DOCK2: variants seen among roughly 807,000 people sequenced by gnomAD.
DOCK2 encodes the protein dedicator of cytokinesis protein 2.
In DOCK2, 87 loss-of-function variants were observed where a neutral mutation model predicts 248.9. The ratio of observed to expected loss-of-function variants is 0.35; its 90% CI spans 0.29 to 0.42. The LOEUF (loss-of-function observed/expected upper bound fraction) is 0.42, where lower values mean the gene tolerates loss of function less well. Ranked by LOEUF, DOCK2 falls within the 10% of genes least tolerant of loss-of-function variation. DOCK2 has a pLI of 1.00. For synonymous variants in DOCK2, 805 were observed against 821.6 expected (o/e 0.98, Z 0.35); for missense variants, 1,747 against 2,300.2 (o/e 0.76, Z 4.92).
chr5:169,933,986 G>A (rs780478955), intron 27 of DOCK2, among the ~76,000 whole-genome samples: 56 of 152,112 alleles, frequency 3.7e-4, no homozygotes, highest in Non-Finnish European at 7.4e-4. Context: ...CAGCAGGACC[G>A]GCATCTATTG....
rs750263476 is a variant in DOCK2 at position 169,671,168 on chromosome 5, C to A, written c.315C>A (p.Leu105=). The A allele has an allele frequency of 6.2e-7, 1 of 1,613,870 alleles. No individual in the cohort carries two copies. Among genetic ancestry groups the A allele is most frequent in the Non-Finnish European group, 8.5e-7 (1 of 1,179,800 alleles). ...AATGGGGAAGCATCTGGAAACAACT[C>A]TATGTGGTGAGACTCAGAACTCTGC... The part of the protein sequence containing the change: ...LWEWGSIWKQ[L]YVASKKERFL... Residue 105 remains leucine (L), a synonymous_variant, in exon 5 of 52, where the codon CTC becomes CTA. Transcript: ENST00000520908.
chr5:169,708,112 A>T, intron 14 of DOCK2, 57 bp from the exon 15 acceptor site: 1 of 1,580,132 alleles, frequency 6.3e-7, no homozygotes, highest in Non-Finnish European at 8.6e-7. Flanking sequence ...AACCTGCACA[A>T]GCACAGAAAA....
intron 44 of DOCK2, among the ~76,000 whole-genome samples, chr5:170,063,186 C>A (rs1757388925): frequency 6.6e-6 from 1 of 152,144 alleles, no homozygotes; most frequent in Admixed American, 6.5e-5. Context: ...GGGCTTCATT[C>A]CCTGAGAGTT....
intron 27 of DOCK2, among the ~76,000 whole-genome samples, chr5:169,887,239 C>A (rs776564441): frequency 3.3e-4 from 50 of 152,090 alleles, no homozygotes; most frequent in Non-Finnish European, 6.3e-4. Context: ...TTAGCCCTGC[C>A]TTTTCTCCAG....
chr5:169,639,582 C>T (rs554018079), intron 1 of DOCK2, among the ~76,000 whole-genome samples: 2 of 152,150 alleles, frequency 1.3e-5, no homozygotes, highest in Non-Finnish European at 2.9e-5. Flanking sequence ...GCTTAAGCTT[C>T]GGTGATCAGG....
intron 26 of DOCK2, among the ~76,000 whole-genome samples, chr5:169,810,498 G>A (rs1319273623): frequency 6.6e-6 from 1 of 152,208 alleles, no homozygotes; most frequent in African/African-American, 2.4e-5. Flanking sequence ...GCGCAGCAAA[G>A]CAGTTGGTTA....
At position 169,983,069 on chromosome 5, in the gene DOCK2, G is replaced by A; in HGVS notation, c.2801G>A (p.Ser934Asn). ...AGTATTTGTCTTCATTTCTTGCAGA[G>A]TCACTTTGTGGCATGTATGACAGCC... ...ITMGRDHILI[S>N]HFVACMTAIL... The change falls in exon 28 of 52, where the codon AGT becomes AAT. Residue 934 changes from serine to asparagine, a missense_variant and splice_region_variant. By Grantham distance (46) the Ser-to-Asn change is conservative (BLOSUM62 1). This residue lies in a region of DOCK2 where 858 missense variants were observed against 1,183.5 expected (regional missense o/e 0.72). Coordinates refer to ENST00000520908, the MANE Select transcript of DOCK2 (RefSeq NM_004946.3). 6.2e-7 allele frequency: 1 copy of A among 1,613,994 alleles called. No individual in the cohort carries two copies. Among genetic ancestry groups the A allele is most frequent in the Non-Finnish European group, 8.5e-7 (1 of 1,179,896 alleles).
chr5:170,047,749 A>C, intron 40 of DOCK2, 135 bp downstream of exon 40: 1 of 689,554 alleles, frequency 1.5e-6, no homozygotes, highest in African/African-American at 1.8e-5. Context: ...CCCCATCCCC[A>C]GGAGACTCCC....
intron 27 of DOCK2, among the ~76,000 whole-genome samples, chr5:169,954,853 C>T (rs1483727171): frequency 2.6e-5 from 4 of 152,296 alleles, no homozygotes; most frequent in African/African-American, 9.6e-5. Context: ...TGTGTGTAAC[C>T]CAATGACCAA....
rs534105368 is a variant in DOCK2 at position 169,699,877 on chromosome 5, G to T, written c.1133-137G>T. On this transcript the variant is annotated intron_variant, in intron 12 of 51. Transcript: ENST00000520908. ...ATCGCCTGTTCCAGAGGCCCTGTGG[G>T]CTGGGTGGCTGCATCTGTGGCTGTA... The T allele has an allele frequency of 5.7e-4, 718 of 1,270,242 alleles. 6 individuals are homozygous for T. The South Asian group carries it at 6.9e-3, about 12-fold the overall frequency. 78.7% of individuals were successfully genotyped at this position (1,270,242 alleles called of 1,614,324 possible). A position where few individuals can be genotyped will look rare whatever the true frequency, so the allele number is the denominator to read the frequency against.
At chr5:170,079,966 G>C in intron 49 of DOCK2, 197 bp from the exon 50 acceptor site, 2 of 774,822 alleles carry the variant, frequency 2.6e-6, no homozygotes, top group East Asian at 2.8e-5. Flanking sequence ...CCCGCCTGTA[G>C]TTGTGTAGTG....
At chr5:169,873,478 G>C (rs776900933) in intron 27 of DOCK2, among the ~76,000 whole-genome samples, 2 of 152,296 alleles carry the variant, frequency 1.3e-5, no homozygotes, top group African/African-American at 2.4e-5. Context: ...AGCTGCAAAT[G>C]CATCTGTGAT....
intron 1 of DOCK2, among the ~76,000 whole-genome samples, chr5:169,652,611 G>A (rs1385242233): frequency 6.6e-6 from 1 of 152,234 alleles, no homozygotes; most frequent in Non-Finnish European, 1.5e-5. Flanking sequence ...GCAGAGAGGT[G>A]AAGTCACTTG....
At chr5:169,739,311 A>G (rs1289279448) in intron 22 of DOCK2, among the ~76,000 whole-genome samples, 1 of 152,188 alleles carries the variant, frequency 6.6e-6, no homozygotes, top group Non-Finnish European at 1.5e-5. Flanking sequence ...CTGTAATTGT[A>G]GAGGGAAAAT....
intron 8 of DOCK2, among the ~76,000 whole-genome samples, chr5:169,688,423 AC>A (rs1204161971): frequency 6.6e-6 from 1 of 152,204 alleles, no homozygotes; most frequent in Non-Finnish European, 1.5e-5. Context: ...AACATCCTGA[AC>A]TTTTCCTTTA....
At chr5:170,037,857 A>G (rs1756375356) in intron 36 of DOCK2, among the ~76,000 whole-genome samples, 1 of 152,200 alleles carries the variant, frequency 6.6e-6, no homozygotes, top group Admixed American at 6.5e-5. Flanking sequence ...AGGTAGAGTC[A>G]ACCAGAAGAT....
At chr5:169,783,993 A>AAAC (rs1353877251) in intron 25 of DOCK2, among the ~76,000 whole-genome samples, 2 of 152,226 alleles carry the variant, frequency 1.3e-5, no homozygotes, top group Non-Finnish European at 2.9e-5. Flanking sequence ...TGACCCAGGC[A>AAAC]AGTGATGAGG....
chr5:169,711,400 T>C (rs1761574340), intron 15 of DOCK2, among the ~76,000 whole-genome samples: 1 of 152,170 alleles, frequency 6.6e-6, no homozygotes, highest in Non-Finnish European at 1.5e-5. Flanking sequence ...CTCAGTGTCC[T>C]TGGAATCAAA....
chr5:169,905,410 G>A (rs1774222066), intron 27 of DOCK2, among the ~76,000 whole-genome samples: 1 of 151,922 alleles, frequency 6.6e-6, no homozygotes, highest in South Asian at 2.1e-4. Context: ...ACATCTGAAA[G>A]CCAGCTGCCC....
Sources: allele counts gnomAD v4.1 joint callset (sites outside exome capture counted in the v4.1 genomes callset), GRCh38; gene constraint gnomAD v4.1.1; regional missense constraint gnomAD v4.1.1; transcripts MANE v1.5; gene names NCBI Gene and HGNC (gene_info 2026-07-23, HGNC 2026-07-21).